Variants in RASAL2 observed in about 807,000 individuals in gnomAD.
The protein encoded by RASAL2 is RAS protein activator like 2.
RASAL2 carries 58 observed loss-of-function variants against 128.9 expected under a neutral mutation model. The observed-to-expected ratio is 0.45, with a 90% CI of 0.36 to 0.56. RASAL2 has a LOEUF of 0.56. Among genes scored for constraint, RASAL2 ranks in the 20% least tolerant of loss-of-function variants. The pLI is 0.00. For synonymous variants in RASAL2, 561 were observed against 580.8 expected (o/e 0.97, Z 0.49); for missense variants, 1,360 against 1,601.6 (o/e 0.85, Z 2.57).
chr1:178,140,067 A>C (rs1660472585), intron 1 of RASAL2, among the ~76,000 whole-genome samples: 1 of 152,170 alleles, frequency 6.6e-6, no homozygotes, highest in Non-Finnish European at 1.5e-5. Context: ...ATTATTCTAA[A>C]ACCTATGAAA....
rs1002922303 is a variant in RASAL2 at position 178,350,567 on chromosome 1, G to C, written c.458-39533G>C. The stretch of plus-strand genomic sequence containing the variant: ...TTTCTATACATCAGAAGTCTAGGGA[G>C]AGTGCAGCTGGTTCTCTGCTCAGGG... On this transcript the variant is annotated intron_variant, in intron 3 of 17. Coordinates refer to ENST00000367649, the MANE Select transcript of RASAL2 (RefSeq NM_170692.4). Among the ~76,000 whole-genome samples the C allele has an allele frequency of 5.5e-4, 84 of 152,106 alleles. 2 individuals carry two copies. Among genetic ancestry groups the C allele is most frequent in the Non-Finnish European group, 1.0e-4 (7 of 67,994 alleles).
chr1:178,239,244 A>G (rs1664389190), intron 1 of RASAL2, among the ~76,000 whole-genome samples: 1 of 151,740 alleles, frequency 6.6e-6, no homozygotes, highest in Non-Finnish European at 1.5e-5. Context: ...TGGTCAAACT[A>G]AAGAGTATTT....
intron 1 of RASAL2, among the ~76,000 whole-genome samples, chr1:178,257,106 C>T (rs752225216): frequency 3.3e-5 from 5 of 152,006 alleles, no homozygotes; most frequent in Non-Finnish European, 7.4e-5. Context: ...CCACAAAACA[C>T]TATTGAAAGA....
chr1:178,296,115 GTA>G lies in RASAL2; in HGVS notation c.331-3869_331-3868del, dbSNP rs1303919317. Among the ~76,000 whole-genome samples, 7 of 108,730 alleles carry G rather than the reference GTA, an allele frequency of 6.4e-5. No homozygotes were observed. The South Asian group carries it at 7.8e-4, about 12-fold the overall frequency. The allele number at this position is 108,730 out of a possible 152,430, so 71.3% of individuals were successfully genotyped here. A position where few individuals can be genotyped will look rare whatever the true frequency, so the allele number is the denominator to read the frequency against. ...TGTATATATATGTGTATATATGTGT[GTA>G]TATATATGTGTATATATATGTGTGT... On this transcript the variant is annotated intron_variant, in intron 2 of 17. Coordinates refer to ENST00000367649, the MANE Select transcript of RASAL2 (RefSeq NM_170692.4).
At chr1:178,341,144 A>T (rs1428727384) in intron 3 of RASAL2, among the ~76,000 whole-genome samples, 2 of 152,226 alleles carry the variant, frequency 1.3e-5, no homozygotes, top group African/African-American at 4.8e-5. Context: ...ATAATAAAAC[A>T]TTCAAAATAA....
At chr1:178,260,214 G>A (rs566240515) in intron 1 of RASAL2, among the ~76,000 whole-genome samples, 16 of 149,752 alleles carry the variant, frequency 1.1e-4, no homozygotes, top group African/African-American at 2.9e-4. Context: ...TTAGCCGGGC[G>A]TGGTGGCTGG....
At chr1:178,438,851 G>C (rs74131356) in intron 5 of RASAL2, among the ~76,000 whole-genome samples, 72 of 147,466 alleles carry the variant, frequency 4.9e-4, no homozygotes, top group African/African-American at 1.7e-3. Context: ...TGAAAGACAA[G>C]GTCTTGTGAT....
At chr1:178,161,601 A>T (rs1038151991) in intron 1 of RASAL2, among the ~76,000 whole-genome samples, 1 of 152,186 alleles carries the variant, frequency 6.6e-6, no homozygotes, top group Non-Finnish European at 1.5e-5. Context: ...TGTTGTTGAC[A>T]CATTTTTAGT....
intron 3 of RASAL2, among the ~76,000 whole-genome samples, chr1:178,358,061 C>G (rs1484215875): frequency 6.6e-6 from 1 of 151,580 alleles, no homozygotes; most frequent in Non-Finnish European, 1.5e-5. Context: ...TGTGGCAAAA[C>G]CCAGTCTCTA....
intron 3 of RASAL2, among the ~76,000 whole-genome samples, chr1:178,347,470 A>G (rs978400180): frequency 6.6e-6 from 1 of 152,216 alleles, no homozygotes; most frequent in Non-Finnish European, 1.5e-5. Flanking sequence ...AATATATAAC[A>G]GGCTCCTACA....
chr1:178,164,502 T>TGTGTGC (rs1553255577), intron 1 of RASAL2, among the ~76,000 whole-genome samples: 1 of 145,268 alleles, frequency 6.9e-6, no homozygotes, highest in African/African-American at 2.6e-5. Flanking sequence ...TGTGTGTGTG[T>TGTGTGC]GTGCGTGTGT....
intron 3 of RASAL2, among the ~76,000 whole-genome samples, chr1:178,326,746 G>T (rs989019257): frequency 2.0e-5 from 3 of 152,180 alleles, no homozygotes; most frequent in African/African-American, 7.2e-5. Context: ...GTTTCTCCAT[G>T]TTGGTCAGGC....
intron 1 of RASAL2, among the ~76,000 whole-genome samples, chr1:178,280,251 C>T (rs1207129986): frequency 6.6e-6 from 1 of 152,006 alleles, no homozygotes; most frequent in Non-Finnish European, 1.5e-5. Context: ...CAGAAGAACA[C>T]AAAGCAATAG....
At chr1:178,372,818 C>T (rs542853019) in intron 3 of RASAL2, among the ~76,000 whole-genome samples, 1 of 152,224 alleles carries the variant, frequency 6.6e-6, no homozygotes, top group Admixed American at 6.5e-5. Context: ...ACATGGACCT[C>T]CCATTGCTTT....
intron 1 of RASAL2, among the ~76,000 whole-genome samples, chr1:178,114,578 A>G (rs111793263): frequency 0.021 from 3,162 of 151,154 alleles, 98 homozygotes; most frequent in African/African-American, 0.069. Context: ...CTGGAGTGCA[A>G]TGGCGGGATA....
intron 1 of RASAL2, among the ~76,000 whole-genome samples, chr1:178,199,510 A>G (rs1173932953): frequency 2.6e-5 from 4 of 152,260 alleles, no homozygotes; most frequent in African/African-American, 9.6e-5. Flanking sequence ...AACATTGTTC[A>G]TAAAACCAAA....
At chr1:178,227,624 G>A (rs1314037668) in intron 1 of RASAL2, among the ~76,000 whole-genome samples, 1 of 152,114 alleles carries the variant, frequency 6.6e-6, no homozygotes, top group African/African-American at 2.4e-5. Flanking sequence ...CTAATATAGT[G>A]CCTGATAGGT....
intron 17 of RASAL2, among the ~76,000 whole-genome samples, chr1:178,471,284 A>G (rs1392384423): frequency 6.6e-6 from 1 of 152,126 alleles, no homozygotes; most frequent in Non-Finnish European, 1.5e-5. Context: ...GGAGGGGGGA[A>G]TATCATACTT....
At chr1:178,233,698 C>G (rs1664107040) in intron 1 of RASAL2, among the ~76,000 whole-genome samples, 1 of 152,228 alleles carries the variant, frequency 6.6e-6, no homozygotes, top group African/African-American at 2.4e-5. Context: ...TTCACCAGAT[C>G]TGTTTCAGAA....
Sources: gnomAD v4.1 joint callset for allele counts (sites outside exome capture counted in the v4.1 genomes callset) on GRCh38, gnomAD v4.1.1 for gene constraint, MANE v1.5 for transcripts, NCBI Gene and HGNC (gene_info 2026-07-23, HGNC 2026-07-21) for gene names.